Variants in COL4A5 observed in about 807,000 individuals in gnomAD.
The protein encoded by COL4A5 is collagen alpha-5(IV) chain.
Under a neutral mutation model 130.2 loss-of-function variants are expected in COL4A5, and 26 were observed. The ratio of observed to expected loss-of-function variants is 0.20; its 90% CI spans 0.15 to 0.28. The LOEUF (loss-of-function observed/expected upper bound fraction) is 0.28, where lower values mean the gene tolerates loss of function less well. Ranked by LOEUF, COL4A5 falls within the 10% of genes least tolerant of loss-of-function variation. The pLI, the probability that COL4A5 is intolerant of heterozygous loss-of-function variation, is 1.00. For synonymous variants in COL4A5, 496 were observed against 439.6 expected (o/e 1.13, Z -1.60); for missense variants, 1,131 against 1,344.3 (o/e 0.84, Z 2.48).
intron 1 of COL4A5, among the ~76,000 whole-genome samples, chrX:108,485,400 A>C (rs1388244018): frequency 9.0e-6 from 1 of 111,369 alleles, no homozygotes; most frequent in Admixed American, 9.5e-5. Context: ...CACAGCTGGG[A>C]ATATATTGAG....
At chrX:108,672,321 C>G (rs2068221589) in intron 42 of COL4A5, among the ~76,000 whole-genome samples, 1 of 111,984 alleles carries the variant, frequency 8.9e-6, no homozygotes. Flanking sequence ...TAGGAGATTT[C>G]TATCTTCTGA....
At position 108,466,770 on chromosome X, in the gene COL4A5, CTT is replaced by C. The variant is rs60506758; in HGVS notation, c.81+26574_81+26575del. Reference sequence around the variant, plus strand: ...AGGTGGCACCACATGGCCAAGGTGGCTTTTTTTTTTTCTTTTAGAAATGGGGT... The same window carrying C: ...AGGTGGCACCACATGGCCAAGGTGGCTTTTTTTTTCTTTTAGAAATGGGGT... On this transcript the variant is annotated intron_variant, in intron 1 of 52. Transcript: ENST00000328300. Among the ~76,000 whole-genome samples, 778 of 102,412 alleles carry C rather than the reference CTT, an allele frequency of 7.6e-3. 4 individuals are homozygous for C. Among genetic ancestry groups the C allele is most frequent in the East Asian group, 0.038 (125 of 3,285 alleles). The allele number at this position is 102,412 out of a possible 115,157, so 88.9% of individuals were successfully genotyped here.
At chrX:108,574,551 C>G (rs747971924) in intron 9 of COL4A5, among the ~76,000 whole-genome samples, 1 of 111,170 alleles carries the variant, frequency 9.0e-6, no homozygotes, top group Non-Finnish European at 1.9e-5. Context: ...ACCATCTGTG[C>G]CTTAAAAATA....
chrX:108,544,082 T>C (rs2065599496), intron 2 of COL4A5, among the ~76,000 whole-genome samples: 1 of 112,082 alleles, frequency 8.9e-6, no homozygotes, highest in South Asian at 3.8e-4. Context: ...CCTTTTTTCC[T>C]AATTGAATAC....
chrX:108,679,183 G>A, intron 44 of COL4A5, among the ~76,000 whole-genome samples: 1 of 111,908 alleles, frequency 8.9e-6, no homozygotes, highest in Non-Finnish European at 1.9e-5. Flanking sequence ...TGCATCATTA[G>A]GTTTTTCCTT....
At chrX:108,695,048 C>A in intron 51 of COL4A5, 127 bp downstream of exon 51, 2 of 670,646 alleles carry the variant, frequency 3.0e-6, no homozygotes, top group Non-Finnish European at 4.8e-6. Flanking sequence ...AGCTTCTATC[C>A]AAGCACTGTG....
At chrX:108,681,221 C>T (rs1410854626) in intron 46 of COL4A5, among the ~76,000 whole-genome samples, 1 of 111,239 alleles carries the variant, frequency 9.0e-6, no homozygotes, top group Non-Finnish European at 1.9e-5. Context: ...CTAACTTCCC[C>T]AAATTCAATT....
At position 108,473,633 on chromosome X, in the gene COL4A5, A is replaced by ATATATTTTTTTT; in HGVS notation, c.81+33428_81+33429insATATTTTTTTTT. 2.7e-3 allele frequency among the ~76,000 whole-genome samples: 93 copies of ATATATTTTTTTT among 34,546 alleles called. 3 individuals are homozygous for ATATATTTTTTTT. Among genetic ancestry groups the ATATATTTTTTTT allele is most frequent in the African/African-American group, 9.7e-3 (90 of 9,259 alleles). 30.0% of individuals were successfully genotyped at this position (34,546 alleles called of 115,157 possible). A position where few individuals can be genotyped will look rare whatever the true frequency, so the allele number is the denominator to read the frequency against. On this transcript the variant is annotated intron_variant, in intron 1 of 52. Transcript: ENST00000328300. ...TATATGTATATATATATATATATAT[A>ATATATTTTTTTT]TTTTTTTTTTTTTGAGATGAAGTCT... is the stretch of plus-strand genomic sequence containing the variant.
intron 1 of COL4A5, among the ~76,000 whole-genome samples, chrX:108,478,798 G>A (rs987593289): frequency 1.8e-5 from 2 of 112,216 alleles, no homozygotes; most frequent in African/African-American, 6.5e-5. Flanking sequence ...TTGCGTGCAG[G>A]ATAGGAAAAC....
At chrX:108,600,359 TTC>T (rs1417361483) in intron 25 of COL4A5, among the ~76,000 whole-genome samples, 1 of 111,089 alleles carries the variant, frequency 9.0e-6, no homozygotes, top group African/African-American at 3.3e-5. Context: ...TATCAATCTT[TTC>T]TCTCATGGTT....
intron 2 of COL4A5, among the ~76,000 whole-genome samples, chrX:108,546,804 G>A (rs1189679249): frequency 1.7e-4 from 19 of 111,362 alleles, no homozygotes; most frequent in African/African-American, 4.2e-4. Context: ...GGCTTTGTTC[G>A]TTTCTTTTTA....
intron 1 of COL4A5, among the ~76,000 whole-genome samples, chrX:108,484,602 T>C (rs1450847363): frequency 8.9e-6 from 1 of 112,601 alleles, no homozygotes; most frequent in Non-Finnish European, 1.9e-5. Flanking sequence ...AAGAATTCTC[T>C]GGATTACCAG....
rs2064368844 is a variant in COL4A5 at position 108,440,010 on chromosome X, A to G, written c.-116A>G. 2 of 549,779 alleles carry G rather than the reference A, an allele frequency of 3.6e-6. No individual in the cohort carries two copies. Among genetic ancestry groups the G allele is most frequent in the South Asian group, 5.0e-5 (2 of 39,605 alleles). 45.3% of individuals were successfully genotyped at this position (549,779 alleles called of 1,213,427 possible). ...GCTTCTTTCTCTTCACCCAAGCCTCACTGTCCCTCTCCGGCTCTAGCTCTC... is the reference window on the plus strand; with the variant it reads ...GCTTCTTTCTCTTCACCCAAGCCTCGCTGTCCCTCTCCGGCTCTAGCTCTC... On this transcript the variant is annotated 5_prime_UTR_variant, in exon 1 of 53. Coordinates refer to ENST00000328300, the MANE Select transcript of COL4A5 (RefSeq NM_033380.3).
chrX:108,624,201 C>T, intron 33 of COL4A5, 35 bp from the exon 34 acceptor site: 1 of 1,095,218 alleles, frequency 9.1e-7, no homozygotes, highest in Non-Finnish European at 1.3e-6. Context: ...TGAATAATAT[C>T]ATCCTAACTT....
intron 49 of COL4A5, chrX:108,689,510 A>C (rs2068611090): frequency 1.3e-6 from 1 of 753,899 alleles, no homozygotes; most frequent in Non-Finnish European, 1.6e-6. Flanking sequence ...GAATCTATAA[A>C]CTGGCCCTGA....
At chrX:108,511,378 T>C (rs959261102) in intron 1 of COL4A5, among the ~76,000 whole-genome samples, 4 of 112,018 alleles carry the variant, frequency 3.6e-5, no homozygotes, top group Non-Finnish European at 5.6e-5. Context: ...TTAATATGAC[T>C]GTACTTCCCC....
chrX:108,546,902 G>C (rs977983143), intron 2 of COL4A5, among the ~76,000 whole-genome samples: 1 of 111,572 alleles, frequency 9.0e-6, no homozygotes, highest in African/African-American at 3.3e-5. Context: ...TGATCGAATT[G>C]GCTACTGAAA....
At chrX:108,510,235 C>T (rs995645948) in intron 1 of COL4A5, among the ~76,000 whole-genome samples, 1 of 111,147 alleles carries the variant, frequency 9.0e-6, no homozygotes, top group Non-Finnish European at 1.9e-5. Flanking sequence ...ATGAAATAAT[C>T]TGTACAACAA....
chrX:108,660,969 C>A (rs147087850), intron 37 of COL4A5, among the ~76,000 whole-genome samples: 4,234 of 111,514 alleles, frequency 0.038, 201 homozygotes, highest in African/African-American at 0.13. Flanking sequence ...TTTTACTGTA[C>A]CTTTTCTAGG....
Sources: allele counts gnomAD v4.1 joint callset (sites outside exome capture counted in the v4.1 genomes callset), GRCh38; gene constraint gnomAD v4.1.1; transcripts MANE v1.5; gene names NCBI Gene and HGNC (gene_info 2026-07-23, HGNC 2026-07-21).